Variants in IL1RAPL2 observed in about 807,000 individuals in gnomAD.
IL1RAPL2 encodes interleukin 1 receptor accessory protein like 2.
Under a neutral mutation model 44.1 loss-of-function variants are expected in IL1RAPL2, and 3 were observed. The observed-to-expected ratio is 0.07, with a 90% confidence interval of 0.03 to 0.18. The LOEUF (loss-of-function observed/expected upper bound fraction) is 0.18, where lower values mean the gene tolerates loss of function less well. Among genes scored for constraint, IL1RAPL2 ranks in the 10% least tolerant of loss-of-function variants. IL1RAPL2 has a pLI of 1.00. For missense variants in IL1RAPL2, 391 were observed against 496.4 expected (o/e 0.79, Z 2.02); for synonymous variants, 181 against 178.8 (o/e 1.01, Z -0.10).
intron 1 of IL1RAPL2, among the ~76,000 whole-genome samples, chrX:104,581,116 C>T (rs1461857981): frequency 8.9e-6 from 1 of 112,497 alleles, no homozygotes; most frequent in Non-Finnish European, 1.9e-5. Context: ...CTTGCACATG[C>T]TCTCCCAAAC....
chrX:105,267,339 A>G (rs1279821109), intron 4 of IL1RAPL2, 49 bp from the exon 5 acceptor site: 24 of 1,080,982 alleles, frequency 2.2e-5, no homozygotes, highest in Non-Finnish European at 3.0e-5. Flanking sequence ...ACTGAGATGT[A>G]GTCTGTGAAA....
At chrX:104,890,903 GT>G (rs1440666262) in intron 2 of IL1RAPL2, among the ~76,000 whole-genome samples, 2 of 111,694 alleles carry the variant, frequency 1.8e-5, no homozygotes, top group Non-Finnish European at 3.8e-5. Flanking sequence ...TATTGCCTAA[GT>G]TTTCTTCTAG....
At chrX:104,587,500 G>C (rs1036395011) in intron 1 of IL1RAPL2, among the ~76,000 whole-genome samples, 3 of 111,673 alleles carry the variant, frequency 2.7e-5, no homozygotes, top group Non-Finnish European at 3.8e-5. Flanking sequence ...CTGGAAGTGG[G>C]GGCCCAAGAA....
chrX:104,969,093 T>G (rs984927210), intron 2 of IL1RAPL2, among the ~76,000 whole-genome samples: 11 of 108,416 alleles, frequency 1.0e-4, no homozygotes, highest in Non-Finnish European at 1.9e-4. Context: ...CCAAGAAAAT[T>G]TTTATGAAGG....
At chrX:105,022,532 G>A (rs992249909) in intron 2 of IL1RAPL2, among the ~76,000 whole-genome samples, 1 of 111,493 alleles carries the variant, frequency 9.0e-6, no homozygotes, top group African/African-American at 3.3e-5. Context: ...TACTGAGGAA[G>A]TTTGAAGAGT....
chrX:104,898,037 C>G (rs1484346964), intron 2 of IL1RAPL2, among the ~76,000 whole-genome samples: 1 of 111,824 alleles, frequency 8.9e-6, no homozygotes, highest in African/African-American at 3.2e-5. Context: ...TATAAGCCCC[C>G]GTTCTTGGTC....
intron 1 of IL1RAPL2, among the ~76,000 whole-genome samples, chrX:104,580,138 G>A (rs1169412768): frequency 8.9e-6 from 1 of 112,082 alleles, no homozygotes; most frequent in Non-Finnish European, 1.9e-5. Context: ...CAGGATTGAT[G>A]TATTGATTAA....
chrX:104,752,638 G>A (rs929953720), intron 2 of IL1RAPL2, among the ~76,000 whole-genome samples: 1 of 110,170 alleles, frequency 9.1e-6, no homozygotes, highest in Non-Finnish European at 1.9e-5. Flanking sequence ...TTCTTTCTAG[G>A]TATACTATGG....
chrX:105,499,082 C>T (rs1252915893), intron 6 of IL1RAPL2, among the ~76,000 whole-genome samples: 1 of 111,272 alleles, frequency 9.0e-6, no homozygotes, highest in Non-Finnish European at 1.9e-5. Flanking sequence ...AACAATCCCC[C>T]CGATACTGTC....
At chrX:105,084,197 A>G (rs976926498) in intron 2 of IL1RAPL2, among the ~76,000 whole-genome samples, 1 of 112,753 alleles carries the variant, frequency 8.9e-6, no homozygotes, top group African/African-American at 3.2e-5. Context: ...TTCCTCACAC[A>G]GAGTCCCCAA....
Position 105,042,847 on chromosome X carries a change from G to C in IL1RAPL2, c.83-152628G>C, listed in dbSNP as rs1449303574. Among the ~76,000 whole-genome samples the C allele has an allele frequency of 1.9e-5, 2 of 107,794 alleles. 1 individual carries two copies. Among genetic ancestry groups the C allele is most frequent in the Admixed American group, 2.0e-4 (2 of 10,024 alleles). 93.6% of individuals were successfully genotyped at this position (107,794 alleles called of 115,157 possible). A position where few individuals can be genotyped will look rare whatever the true frequency, so the allele number is the denominator to read the frequency against. ...CCAACCCAAATGTCCAACAATGATA[G>C]AGTGGATTAAGAAAATGTGGCACAT... On this transcript the variant is annotated intron_variant, in intron 2 of 10. Transcript: ENST00000372582.
At chrX:105,760,180 G>A (rs2038675266) in intron 10 of IL1RAPL2, among the ~76,000 whole-genome samples, 1 of 111,855 alleles carries the variant, frequency 8.9e-6, no homozygotes, top group South Asian at 3.7e-4. Context: ...AGTTGATTAT[G>A]TAGAATTTCA....
chrX:104,914,556 G>A (rs1341742201), intron 2 of IL1RAPL2, among the ~76,000 whole-genome samples: 5 of 111,464 alleles, frequency 4.5e-5, no homozygotes, highest in Non-Finnish European at 5.7e-5. Context: ...CACATGTTGT[G>A]ATTGCTTTCT....
At chrX:104,625,925 G>A (rs1184720500) in intron 1 of IL1RAPL2, among the ~76,000 whole-genome samples, 2 of 110,916 alleles carry the variant, frequency 1.8e-5, no homozygotes, top group Non-Finnish European at 3.8e-5. Flanking sequence ...ATAATCTTCA[G>A]GCAACTTGTT....
intron 2 of IL1RAPL2, among the ~76,000 whole-genome samples, chrX:104,691,804 C>T (rs1486099233): frequency 9.0e-6 from 1 of 111,551 alleles, no homozygotes; most frequent in Non-Finnish European, 1.9e-5. Context: ...ATCTTGGCAT[C>T]TGACTTTTTG....
At chrX:104,617,849 T>C (rs1929309826) in intron 1 of IL1RAPL2, among the ~76,000 whole-genome samples, 1 of 111,789 alleles carries the variant, frequency 8.9e-6, no homozygotes, top group Non-Finnish European at 1.9e-5. Context: ...CATTTCTGAG[T>C]TTCCACTTTG....
intron 5 of IL1RAPL2, among the ~76,000 whole-genome samples, chrX:105,353,245 A>G (rs1411326643): frequency 9.0e-6 from 1 of 111,130 alleles, no homozygotes; most frequent in Non-Finnish European, 1.9e-5. Context: ...AGTTGTAGAT[A>G]CGCGGCATTA....
rs148716070 is a variant in IL1RAPL2 at position 104,853,049 on chromosome X, C to A, written c.82+194054C>A. Among the ~76,000 whole-genome samples, 709 of 111,836 alleles carry A rather than the reference C, an allele frequency of 6.3e-3. 3 individuals carry two copies. Among genetic ancestry groups the A allele is most frequent in the African/African-American group, 0.022 (676 of 30,824 alleles). ...AAATCCCCTTTGGTTTAAAGTCTGC[C>A]TGTAAGCATTTAACAGATACATTCC... On this transcript the variant is annotated intron_variant, in intron 2 of 10. Coordinates refer to ENST00000372582, the MANE Select transcript of IL1RAPL2 (RefSeq NM_017416.2).
At chrX:104,939,257 A>T (rs185103717) in intron 2 of IL1RAPL2, among the ~76,000 whole-genome samples, 3,464 of 110,395 alleles carry the variant, frequency 0.031, 144 homozygotes, top group African/African-American at 0.11. Context: ...GGGTTTCGCC[A>T]TGTTGGCCAG....
Sources: gnomAD v4.1 joint callset for allele counts (sites outside exome capture counted in the v4.1 genomes callset) on GRCh38, gnomAD v4.1.1 for gene constraint, MANE v1.5 for transcripts, NCBI Gene and HGNC (gene_info 2026-07-23, HGNC 2026-07-21) for gene names.